TTBK2: variants seen among roughly 807,000 people sequenced by gnomAD.
TTBK2 encodes tau tubulin kinase 2, also known as tau-tubulin kinase 2.
Under a neutral mutation model 110.8 loss-of-function variants are expected in TTBK2, and 28 were observed. The ratio of observed to expected loss-of-function variants is 0.25; its 90% CI spans 0.19 to 0.35. TTBK2 has a LOEUF of 0.35. TTBK2 is among the 10% of genes least tolerant of loss of function. The pLI, the probability that TTBK2 is intolerant of heterozygous loss-of-function variation, is 1.00. For synonymous variants in TTBK2, 532 were observed against 527.3 expected (o/e 1.01, Z -0.12); for missense variants, 1,369 against 1,500.3 (o/e 0.91, Z 1.45).
At chr15:42,870,599 AT>A (rs957172956) in intron 3 of TTBK2, among the ~76,000 whole-genome samples, 1 of 152,066 alleles carries the variant, frequency 6.6e-6, no homozygotes, top group African/African-American at 2.4e-5. Flanking sequence ...GCAGTGGCTC[AT>A]GTCTGTAATC....
intron 13 of TTBK2, among the ~76,000 whole-genome samples, chr15:42,773,130 G>A (rs1377067535): frequency 6.6e-6 from 1 of 152,116 alleles, no homozygotes. Context: ...TGGAGCCCAG[G>A]AGCTCAAGGT....
chr15:42,843,624 T>C (rs1429809089), intron 3 of TTBK2, among the ~76,000 whole-genome samples: 14 of 151,948 alleles, frequency 9.2e-5, no homozygotes, highest in Admixed American at 2.0e-4. Flanking sequence ...CCGGGCATGG[T>C]AGCGCATGCC....
chr15:42,868,364 A>G (rs1894467641), intron 3 of TTBK2, among the ~76,000 whole-genome samples: 1 of 152,180 alleles, frequency 6.6e-6, no homozygotes, highest in Non-Finnish European at 1.5e-5. Context: ...TCTGGGTGAT[A>G]ATGATGTATC....
At chr15:42,786,679 A>G (rs1890427152) in intron 10 of TTBK2, among the ~76,000 whole-genome samples, 1 of 152,162 alleles carries the variant, frequency 6.6e-6, no homozygotes, top group Non-Finnish European at 1.5e-5. Flanking sequence ...TTATGCTTCA[A>G]TATGATACCA....
At chr15:42,880,929 A>T (rs1895014482) in intron 1 of TTBK2, among the ~76,000 whole-genome samples, 3 of 152,186 alleles carry the variant, frequency 2.0e-5, no homozygotes, top group Non-Finnish European at 2.9e-5. Context: ...AATTAAAAAA[A>T]AAATAAAATA....
In TTBK2 at chr15:42,745,388, T is replaced by C. The variant is rs1047828037; in HGVS notation, c.*407A>G. 4.0e-6 allele frequency: 1 copy of C among 252,040 alleles called. No individual in the cohort carries two copies. 15.6% of individuals were successfully genotyped at this position (252,040 alleles called of 1,614,324 possible). On this transcript the variant is annotated 3_prime_UTR_variant, in exon 15 of 15. Coordinates refer to ENST00000267890, the MANE Select transcript of TTBK2 (RefSeq NM_173500.4). ...AATGACTCTTCAGGGTGGGAAAGTT[T>C]TGAATGAAAATATCAAACAAGAAGT...
At position 42,907,386 on chromosome 15, in the gene TTBK2, T is replaced by G. The variant is rs140407769; in HGVS notation, c.-68+13052A>C. On this transcript the variant is annotated intron_variant, in intron 1 of 14. Transcript: ENST00000267890. ...AAAGAGATATCTGCACTCCCATGTTTATTGCAGCACTATTAACAACAGCCA... is the reference window on the plus strand; with the variant it reads ...AAAGAGATATCTGCACTCCCATGTTGATTGCAGCACTATTAACAACAGCCA... Among the ~76,000 whole-genome samples, 1,272 of 152,332 alleles carry G rather than the reference T, an allele frequency of 8.4e-3. 15 individuals carry two copies. The highest frequency in any genetic ancestry group is 0.029 in the African/African-American group (1,206 of 41,568).
At chr15:42,842,924 T>C (rs954679762) in intron 3 of TTBK2, among the ~76,000 whole-genome samples, 2 of 152,180 alleles carry the variant, frequency 1.3e-5, no homozygotes, top group African/African-American at 4.8e-5. Flanking sequence ...AATAGTGTTA[T>C]CTATTACATT....
rs897463629 is a variant in TTBK2 at position 42,775,695 on chromosome 15, C to T, written c.1438G>A (p.Ala480Thr). 6 of 1,613,040 alleles carry T rather than the reference C, an allele frequency of 3.7e-6. No homozygotes were observed. Among genetic ancestry groups the T allele is most frequent in the Non-Finnish European group, 5.1e-6 (6 of 1,179,920 alleles). ...CLEKMQKDTS[A>T]GKESILPALL... Reference sequence around the variant, plus strand: ...GCAGGGAGAATAGATTCTTTTCCTGCACTGGTATCTTTCTGCATTTTCTCC... The same window carrying T: ...GCAGGGAGAATAGATTCTTTTCCTGTACTGGTATCTTTCTGCATTTTCTCC... Residue 480 changes from alanine to threonine, a missense_variant, in exon 13 of 15, where the codon GCA becomes ACA. This residue lies in a region of TTBK2 where 1,097 missense variants were observed against 1,114.7 expected (regional missense o/e 0.98). Transcript: ENST00000267890.
intron 9 of TTBK2, among the ~76,000 whole-genome samples, chr15:42,803,042 C>T (rs1018301199): frequency 1.3e-5 from 2 of 152,176 alleles, no homozygotes; most frequent in South Asian, 2.1e-4. Context: ...CTCCTCAGCC[C>T]GCAGACGGCC....
chr15:42,875,481 G>T (rs1402615117), intron 2 of TTBK2, among the ~76,000 whole-genome samples: 1 of 152,072 alleles, frequency 6.6e-6, no homozygotes, highest in African/African-American at 2.4e-5. Context: ...AAGAGGTAGA[G>T]TCCATTTTCC....
At chr15:42,845,768 A>C (rs963626892) in intron 3 of TTBK2, among the ~76,000 whole-genome samples, 2 of 151,412 alleles carry the variant, frequency 1.3e-5, no homozygotes, top group Non-Finnish European at 2.9e-5. Context: ...TGGGTGATTT[A>C]GTCACTGTGC....
chr15:42,843,356 G>A (rs531594894), intron 3 of TTBK2, among the ~76,000 whole-genome samples: 4 of 152,294 alleles, frequency 2.6e-5, no homozygotes, highest in Admixed American at 2.6e-4. Flanking sequence ...ATTACGGTAG[G>A]GGCCTGAATT....
chr15:42,892,085 A>G (rs1168636107), intron 1 of TTBK2, among the ~76,000 whole-genome samples: 2 of 152,234 alleles, frequency 1.3e-5, no homozygotes, highest in Non-Finnish European at 2.9e-5. Context: ...ATAATATCCC[A>G]GGTCACAAAA....
chr15:42,778,610 G>A (rs1407678343), intron 11 of TTBK2, among the ~76,000 whole-genome samples: 8 of 152,228 alleles, frequency 5.3e-5, no homozygotes, highest in Non-Finnish European at 1.2e-4. Context: ...GGAGGTTGCA[G>A]TGAGCCGAGA....
At chr15:42,788,497 T>C (rs1890506416) in intron 10 of TTBK2, among the ~76,000 whole-genome samples, 1 of 152,168 alleles carries the variant, frequency 6.6e-6, no homozygotes, top group Non-Finnish European at 1.5e-5. Flanking sequence ...CATTAACATC[T>C]CCAACTATGA....
intron 3 of TTBK2, among the ~76,000 whole-genome samples, chr15:42,869,465 GA>G (rs983595695): frequency 6.7e-6 from 1 of 148,200 alleles, no homozygotes; most frequent in Non-Finnish European, 1.5e-5. Context: ...TGAAAACTGA[GA>G]AAAAAACAAC....
chr15:42,896,888 T>C (rs557534408), intron 1 of TTBK2, among the ~76,000 whole-genome samples: 12 of 152,170 alleles, frequency 7.9e-5, no homozygotes, highest in African/African-American at 2.9e-4. Context: ...TTTTAGATTT[T>C]TTTTTTTTTG....
At chr15:42,758,630 G>A (rs1341403791) in intron 13 of TTBK2, among the ~76,000 whole-genome samples, 3 of 145,720 alleles carry the variant, frequency 2.1e-5, no homozygotes, top group Non-Finnish European at 4.5e-5. Flanking sequence ...ACTCCAGCCT[G>A]GGTGACAAAG....
Sources: gnomAD v4.1 joint callset for allele counts (sites outside exome capture counted in the v4.1 genomes callset) on GRCh38, gnomAD v4.1.1 for gene constraint, gnomAD v4.1.1 regional missense constraint, MANE v1.5 for transcripts, NCBI Gene and HGNC (gene_info 2026-07-23, HGNC 2026-07-21) for gene names.